SLC26A8: variants seen among roughly 807,000 people sequenced by gnomAD.
The protein encoded by SLC26A8 is testis anion transporter 1.
In SLC26A8, 70 loss-of-function variants were observed where a neutral mutation model predicts 105.0. The ratio of observed to expected loss-of-function variants is 0.67; its 90% CI spans 0.55 to 0.81. SLC26A8 has a LOEUF of 0.81. Ranked by LOEUF, SLC26A8 falls within the 40% of genes least tolerant of loss-of-function variation. The pLI, the probability that SLC26A8 is intolerant of heterozygous loss-of-function variation, is 0.00. For synonymous variants in SLC26A8, 415 were observed against 438.3 expected (o/e 0.95, Z 0.66); for missense variants, 998 against 1,181.8 (o/e 0.84, Z 2.28).
intron 3 of SLC26A8, among the ~76,000 whole-genome samples, chr6:36,002,857 C>A (rs1197791251): frequency 6.6e-6 from 1 of 152,082 alleles, no homozygotes; most frequent in Non-Finnish European, 1.5e-5. Context: ...GCGCACGCCA[C>A]CATGCCCGGC....
rs182647226 is a variant in SLC26A8, at chr6:35,960,094, A to G, written c.1639-288T>C. 216 of 261,480 alleles carry G rather than the reference A, an allele frequency of 8.3e-4. 1 individual carries two copies. In the East Asian group the frequency reaches 0.026, roughly 31 times the overall value. 16.2% of individuals were successfully genotyped at this position (261,480 alleles called of 1,614,324 possible). On this transcript the variant is annotated intron_variant, in intron 14 of 19. Transcript: ENST00000490799. ...CTGCTAATTTTTGTATTTTTAGTAG[A>G]TACGGGGTTTCACCATGTTGGCCAC...
chr6:35,953,435 AG>A (rs1402072124), intron 17 of SLC26A8, among the ~76,000 whole-genome samples: 1 of 152,200 alleles, frequency 6.6e-6, no homozygotes, highest in African/African-American at 2.4e-5. Context: ...TCAGACTCTT[AG>A]GGGAAAGTAT....
chr6:36,022,158 G>A (rs1017752768), intron 1 of SLC26A8, among the ~76,000 whole-genome samples: 3 of 151,562 alleles, frequency 2.0e-5, no homozygotes, highest in African/African-American at 7.3e-5. Context: ...GTGGAGACAG[G>A]GTTTCGCCAT....
At chr6:35,979,230 C>A (rs1773172121) in intron 8 of SLC26A8, among the ~76,000 whole-genome samples, 1 of 151,892 alleles carries the variant, frequency 6.6e-6, no homozygotes. Flanking sequence ...GTAATCCCAG[C>A]ACTTTGGGAG....
intron 19 of SLC26A8, 72 bp from the exon 20 acceptor site, chr6:35,944,412 T>G (rs1771594610): frequency 9.3e-7 from 1 of 1,069,942 alleles, no homozygotes; most frequent in African/African-American, 1.6e-5. Context: ...GGCTCATACC[T>G]GTAATCCCAG....
intron 9 of SLC26A8, among the ~76,000 whole-genome samples, chr6:35,976,221 C>T (rs577488779): frequency 5.3e-5 from 8 of 151,890 alleles, no homozygotes; most frequent in Admixed American, 3.3e-4. Context: ...GTCAGGAGTT[C>T]GAGACCAGTC....
intron 7 of SLC26A8, among the ~76,000 whole-genome samples, chr6:35,982,538 A>G (rs1773317395): frequency 6.6e-6 from 1 of 152,150 alleles, no homozygotes; most frequent in Non-Finnish European, 1.5e-5. Context: ...TTGAATCTCA[A>G]TGGCTTTCAG....
intron 2 of SLC26A8, among the ~76,000 whole-genome samples, chr6:36,015,737 G>A (rs1263888252): frequency 6.6e-6 from 1 of 151,840 alleles, no homozygotes; most frequent in Non-Finnish European, 1.5e-5. Flanking sequence ...GGAAGTGAGA[G>A]GACTGGGGGG....
chr6:35,996,754 G>A (rs1344689484), intron 5 of SLC26A8, among the ~76,000 whole-genome samples: 1 of 152,114 alleles, frequency 6.6e-6, no homozygotes, highest in Admixed American at 6.6e-5. Flanking sequence ...GCAACTTTTG[G>A]CTGGGTGCAG....
Position 35,983,765 on chromosome 6 carries a change from G to A in SLC26A8, c.943-1562C>T, listed in dbSNP as rs184798048. Among the ~76,000 whole-genome samples the A allele has an allele frequency of 7.6e-4, 116 of 152,006 alleles. 2 individuals carry two copies. Among genetic ancestry groups the A allele is most frequent in the African/African-American group, 2.6e-3 (108 of 41,476 alleles). On this transcript the variant is annotated intron_variant, in intron 7 of 19. Coordinates refer to ENST00000490799, the MANE Select transcript of SLC26A8 (RefSeq NM_052961.4). ...AGATGGGGTTTTGCCAAGTTGGCCC[G>A]GCTGTTCTTGAATTCCTGACCTCAG... is the stretch of plus-strand genomic sequence containing the variant.
At chr6:35,979,674 A>G (rs1773192820) in intron 8 of SLC26A8, among the ~76,000 whole-genome samples, 1 of 152,136 alleles carries the variant, frequency 6.6e-6, no homozygotes, top group South Asian at 2.1e-4. Flanking sequence ...TACTACCCCA[A>G]TCTATATTAG....
chr6:36,001,957 TA>T (rs972973929), intron 3 of SLC26A8, among the ~76,000 whole-genome samples: 2 of 152,318 alleles, frequency 1.3e-5, no homozygotes, highest in Non-Finnish European at 2.9e-5. Context: ...GGGTGATCTT[TA>T]AAAAATTATT....
At chr6:36,018,840 C>A (rs528297167) in intron 2 of SLC26A8, among the ~76,000 whole-genome samples, 61 of 152,294 alleles carry the variant, frequency 4.0e-4, no homozygotes, top group African/African-American at 1.4e-3. Context: ...ACCTTAGTGA[C>A]CATGAGTACC....
chr6:36,019,692 T>TCC lies in SLC26A8; in HGVS notation c.15_16insGG (p.Arg6GlyfsTer45), dbSNP rs1201589886. ...GAGCTGAAGCCAGAGATGGCGCTCCTCTCTAGTTGTGCCATTCCTGGATGA... is the reference window on the plus strand; with the variant it reads ...GAGCTGAAGCCAGAGATGGCGCTCCTCCCTCTAGTTGTGCCATTCCTGGATGA... On this transcript the variant is annotated frameshift_variant, in exon 2 of 20. Transcript: ENST00000490799. LOFTEE classifies it high-confidence loss of function. The TCC allele has an allele frequency of 1.2e-6, 2 of 1,613,218 alleles. No homozygotes were observed. Among genetic ancestry groups the TCC allele is most frequent in the Non-Finnish European group, 1.7e-6 (2 of 1,179,488 alleles).
intron 2 of SLC26A8, among the ~76,000 whole-genome samples, chr6:36,016,653 A>C (rs1328335512): frequency 3.3e-5 from 5 of 152,152 alleles, no homozygotes; most frequent in African/African-American, 1.2e-4. Context: ...TTTCCTTATA[A>C]TCCTGCTTAT....
At chr6:35,948,538 G>A (rs1038259354) in intron 19 of SLC26A8, among the ~76,000 whole-genome samples, 1 of 152,148 alleles carries the variant, frequency 6.6e-6, no homozygotes, top group Admixed American at 6.5e-5. Flanking sequence ...GCAGTGAGCC[G>A]AGATTGTGCC....
At chr6:35,967,736 A>C (rs868220368) in intron 11 of SLC26A8, among the ~76,000 whole-genome samples, 1 of 152,190 alleles carries the variant, frequency 6.6e-6, no homozygotes, top group South Asian at 2.1e-4. Flanking sequence ...TTCCAAGCCC[A>C]TGTTGGTGTG....
chr6:35,976,702 G>A (rs368369218), intron 9 of SLC26A8, among the ~76,000 whole-genome samples: 2 of 151,566 alleles, frequency 1.3e-5, no homozygotes, highest in Non-Finnish European at 2.9e-5. Context: ...CACCATGCCC[G>A]GCTAATTTTT....
Position 35,951,219 on chromosome 6 carries a change from A to T in SLC26A8, c.2416T>A (p.Leu806Ile), listed in dbSNP as rs201485711. 6.2e-7 allele frequency: 1 copy of T among 1,613,826 alleles called. No individual in the cohort carries two copies. Among genetic ancestry groups the T allele is most frequent in the East Asian group, 2.2e-5 (1 of 44,868 alleles). ...LSRKVIGSSELSIDESETVIR... is the reference protein window; with the variant it reads ...LSRKVIGSSEISIDESETVIR... ...ACTGTCTCGGATTCATCGATGCTTA[A>T]CTCAGAGGAGCCTATGACCTTCCTT... Residue 806 changes from leucine (L) to isoleucine (I), a missense_variant, in exon 19 of 20, where the codon TTA becomes ATA. By Grantham distance (5) the Leu-to-Ile change is conservative (BLOSUM62 2). Coordinates refer to ENST00000490799, the MANE Select transcript of SLC26A8 (RefSeq NM_052961.4).
Sources: allele counts gnomAD v4.1 joint callset (sites outside exome capture counted in the v4.1 genomes callset), GRCh38; gene constraint gnomAD v4.1.1; transcripts MANE v1.5; gene names NCBI Gene and HGNC (gene_info 2026-07-23, HGNC 2026-07-21).